Variants in STXBP3 observed in about 807,000 individuals in gnomAD.
The protein encoded by STXBP3 is syntaxin binding protein 3.
In STXBP3, 41 loss-of-function variants were observed where a neutral mutation model predicts 85.7. The observed-to-expected ratio is 0.48, with a 90% CI of 0.37 to 0.62. STXBP3 has a LOEUF of 0.62. Ranked by LOEUF, STXBP3 falls within the 20% of genes least tolerant of loss-of-function variation. STXBP3 has a pLI of 0.00. For missense variants in STXBP3, 563 were observed against 703.1 expected, an observed-to-expected ratio of 0.80 and a Z score of 2.25; for synonymous variants, 229 against 231.7, an observed-to-expected ratio of 0.99 and a Z score of 0.10.
intron 16 of STXBP3, among the ~76,000 whole-genome samples, chr1:108,798,446 C>T (rs1459742483): frequency 4.6e-5 from 6 of 130,628 alleles, no homozygotes; most frequent in Non-Finnish European, 9.4e-5. Flanking sequence ...GACAGAGTGT[C>T]ACTCTATCAC....
intron 3 of STXBP3, 31 bp downstream of exon 3, chr1:108,753,175 T>TA: frequency 6.9e-7 from 1 of 1,450,452 alleles, no homozygotes; most frequent in Non-Finnish European, 9.3e-7. Flanking sequence ...GAACACTTTT[T>TA]AATTGTAATT....
intron 11 of STXBP3, 41 bp from the exon 12 acceptor site, chr1:108,793,541 G>T: frequency 1.3e-6 from 2 of 1,517,548 alleles, no homozygotes; most frequent in South Asian, 2.3e-5. Context: ...TGGAATAACT[G>T]AATCATAGGC....
At chr1:108,778,974 CTGAGTA>C (rs1354150208) in intron 8 of STXBP3, among the ~76,000 whole-genome samples, 3 of 152,134 alleles carry the variant, frequency 2.0e-5, no homozygotes, top group Non-Finnish European at 2.9e-5. Flanking sequence ...TGAAAAAACT[CTGAGTA>C]TAAGTGCATC....
In STXBP3 at chr1:108,782,467, A is replaced by T; in HGVS notation, c.855A>T (p.Glu285Asp). 1 of 1,613,878 alleles carries T rather than the reference A, an allele frequency of 6.2e-7. No individual in the cohort carries two copies. The highest frequency in any genetic ancestry group is 8.5e-7 in the Non-Finnish European group (1 of 1,179,886). Residue 285 changes from glutamate to aspartate, a missense_variant, in exon 10 of 19, where the codon GAA becomes GAT. Transcript: ENST00000370008. ...GKEKEAILEE[E>D]DDLWVRIRHR... ...AAAAGGAGGCCATCCTTGAAGAAGA[A>T]GATGACCTCTGGGTTAGAATTCGAC... is the stretch of plus-strand genomic sequence containing the variant.
chr1:108,753,204 T>G, intron 3 of STXBP3, 60 bp downstream of exon 3: 1 of 1,230,406 alleles, frequency 8.1e-7, no homozygotes, highest in Non-Finnish European at 1.1e-6. Context: ...TCTGAGGTAT[T>G]AAATTTTAGT....
intron 9 of STXBP3, chr1:108,782,082 G>A (rs1662725331): frequency 5.5e-6 from 1 of 182,682 alleles, no homozygotes; most frequent in Admixed American, 5.9e-5. Context: ...AATGTTGTAG[G>A]GAATTAGAAC....
intron 6 of STXBP3, among the ~76,000 whole-genome samples, chr1:108,764,717 GC>G (rs1394785121): frequency 2.0e-5 from 3 of 151,992 alleles, no homozygotes; most frequent in Non-Finnish European, 2.9e-5. Context: ...GATATCCTTT[GC>G]CCACTTTTTA....
chr1:108,755,972 T>A (rs536020914), intron 3 of STXBP3, among the ~76,000 whole-genome samples: 9 of 152,344 alleles, frequency 5.9e-5, no homozygotes, highest in African/African-American at 2.2e-4. Flanking sequence ...TAATTCTTTC[T>A]AGGCCCTTTG....
chr1:108,796,950 A>G (rs1663116528), intron 15 of STXBP3, among the ~76,000 whole-genome samples: 1 of 152,130 alleles, frequency 6.6e-6, no homozygotes, highest in Non-Finnish European at 1.5e-5. Context: ...TTCACTACTT[A>G]CATTTTTGTC....
intron 11 of STXBP3, among the ~76,000 whole-genome samples, chr1:108,784,224 C>A (rs1662779499): frequency 6.6e-6 from 1 of 152,094 alleles, no homozygotes; most frequent in African/African-American, 2.4e-5. Flanking sequence ...ACATTTAAGT[C>A]TGTAATTCAC....
intron 1 of STXBP3, among the ~76,000 whole-genome samples, chr1:108,748,505 G>A (rs1227045617): frequency 6.6e-6 from 1 of 152,074 alleles, no homozygotes. Flanking sequence ...CTGGGTGACA[G>A]AGCAAGACCC....
intron 17 of STXBP3, 43 bp from the exon 18 acceptor site, chr1:108,807,358 G>A (rs1244102570): frequency 1.9e-6 from 3 of 1,564,506 alleles, no homozygotes; most frequent in Non-Finnish European, 2.6e-6. Flanking sequence ...CTTTGGAAAT[G>A]TTTATAACAT....
chr1:108,807,574 C>CTTT, intron 18 of STXBP3, 25 bp downstream of exon 18: 3 of 1,418,676 alleles, frequency 2.1e-6, no homozygotes, highest in African/African-American at 1.5e-5. Context: ...TTCTTCTTTT[C>CTTT]TGTTTTTTTT....
intron 6 of STXBP3, 83 bp downstream of exon 6, chr1:108,760,168 G>A: frequency 1.4e-6 from 1 of 739,360 alleles, no homozygotes; most frequent in East Asian, 3.0e-5. Context: ...ATATTCTGAA[G>A]ATATTTTTTA....
chr1:108,776,358 C>T lies in STXBP3; in HGVS notation c.619C>T (p.Leu207Phe), dbSNP rs1386095014. 6.2e-7 allele frequency: 1 copy of T among 1,608,472 alleles called. No homozygotes were observed. The highest frequency in any genetic ancestry group is 2.2e-5 in the East Asian group (1 of 44,654). The change falls in exon 8 of 19, where the codon CTT (leucine) becomes TTT (phenylalanine). Residue 207 changes from leucine to phenylalanine, a missense_variant. This residue lies in a region of STXBP3 where 494 missense variants were observed against 592.8 expected (regional missense o/e 0.83). Coordinates refer to ENST00000370008, the MANE Select transcript of STXBP3 (RefSeq NM_007269.4). ...KSKPLDNASK[L>F]AQLVEKKLED... ...TAAACCTCTAGATAATGCCAGTAAG[C>T]TTGCACAGCTTGTTGAAAAAAAGCT...
At chr1:108,791,155 T>C (rs763826676) in intron 11 of STXBP3, among the ~76,000 whole-genome samples, 9 of 152,226 alleles carry the variant, frequency 5.9e-5, no homozygotes, top group Admixed American at 2.0e-4. Context: ...TTTTTTCCTT[T>C]CAGCAATTTA....
At chr1:108,747,707 T>C (rs1661822167) in intron 1 of STXBP3, among the ~76,000 whole-genome samples, 1 of 152,236 alleles carries the variant, frequency 6.6e-6, no homozygotes, top group South Asian at 2.1e-4. Flanking sequence ...TCAGCAGAAT[T>C]CTGGGAGTTA....
chr1:108,795,378 A>G (rs1425622410), intron 13 of STXBP3, among the ~76,000 whole-genome samples: 3 of 152,100 alleles, frequency 2.0e-5, no homozygotes, highest in Non-Finnish European at 4.4e-5. Flanking sequence ...AATTTTACGA[A>G]TAAGTTGGGT....
At chr1:108,807,576 GTTTTT>G in intron 18 of STXBP3, 27 bp downstream of exon 18, 34 of 1,342,196 alleles carry the variant, frequency 2.5e-5, no homozygotes, top group Admixed American at 1.0e-4. Flanking sequence ...CTTCTTTTCT[GTTTTT>G]TTTTTTTTTT....
Sources: allele counts gnomAD v4.1 joint callset (sites outside exome capture counted in the v4.1 genomes callset), GRCh38; gene constraint gnomAD v4.1.1; regional missense constraint gnomAD v4.1.1; transcripts MANE v1.5; gene names NCBI Gene and HGNC (gene_info 2026-07-23, HGNC 2026-07-21).